The following PCNT variants were observed in gnomAD, a reference collection of about 807,000 sequenced individuals.
The protein encoded by PCNT is kendrin.
PCNT carries 319 observed loss-of-function variants against 380.4 expected under a neutral mutation model. The observed-to-expected ratio is 0.84, with a 90% CI of 0.77 to 0.92. The LOEUF is 0.92. Among genes scored for constraint, PCNT ranks in the 40% least tolerant of loss-of-function variants. The pLI, the probability that PCNT is intolerant of heterozygous loss-of-function variation, is 0.00. For synonymous variants in PCNT, 1,845 were observed against 1,735.2 expected (o/e 1.06, Z -1.57); for missense variants, 4,400 against 4,255.3 (o/e 1.03, Z -0.95).
intron 15 of PCNT, among the ~76,000 whole-genome samples, chr21:46,371,553 T>C (rs918935215): frequency 2.0e-5 from 3 of 152,164 alleles, no homozygotes; most frequent in Non-Finnish European, 4.4e-5. Flanking sequence ...TAAGCACTGG[T>C]ACCAAATTGT....
chr21:46,353,153 AC>A lies in PCNT; in HGVS notation c.1507del (p.Gln503SerfsTer2). 6.2e-7 allele frequency: 1 copy of A among 1,614,114 alleles called. No individual in the cohort carries two copies. Among genetic ancestry groups the A allele is most frequent in the Non-Finnish European group, 8.5e-7 (1 of 1,180,034 alleles). Reference protein sequence around the residue: ...ARTSRVEDLEQLKQREKTQHE... With the variant: ...ARTSRVEDLEXLKQREKTQHE... Reference sequence around the variant, plus strand: ...GCACCTCTCGTGTGGAAGATTTAGAACAGCTGAAGCAGCGAGAAAAAACCCA... The same window carrying A: ...GCACCTCTCGTGTGGAAGATTTAGAAAGCTGAAGCAGCGAGAAAAAACCCA... On this transcript the variant is annotated frameshift_variant, in exon 10 of 47. Coordinates refer to ENST00000359568, the MANE Select transcript of PCNT (RefSeq NM_006031.6). LOFTEE classifies it high-confidence loss of function.
intron 2 of PCNT, among the ~76,000 whole-genome samples, chr21:46,330,280 G>C (rs1296617044): frequency 1.3e-5 from 2 of 151,856 alleles, no homozygotes; most frequent in East Asian, 3.9e-4. Flanking sequence ...ACCATACCTG[G>C]CTAACTTAAA....
chr21:46,415,365 A>ATTT (rs35983555), intron 29 of PCNT, among the ~76,000 whole-genome samples: 29 of 65,276 alleles, frequency 4.4e-4, no homozygotes, highest in African/African-American at 6.5e-4. Flanking sequence ...GTTTCTTTGA[A>ATTT]TTTTTTTTTT....
chr21:46,342,214 C>G lies in PCNT; in HGVS notation c.640-3914C>G, dbSNP rs560775242. ...CTCTGCCTCCTAGGCTTAAGTGATT[C>G]TCCTGCCTCAGCCTCCTAAGTAGCT... On this transcript the variant is annotated intron_variant, in intron 3 of 46. Transcript: ENST00000359568. 2.6e-5 allele frequency among the ~76,000 whole-genome samples: 4 copies of G among 152,250 alleles called. No homozygotes were observed. The South Asian group carries it at 8.3e-4, about 32-fold the overall frequency.
At chr21:46,403,589 G>T (rs2086515552) in intron 27 of PCNT, among the ~76,000 whole-genome samples, 1 of 126,428 alleles carries the variant, frequency 7.9e-6, no homozygotes. Flanking sequence ...CACATGCTCG[G>T]TGAGTGAACA....
rs1601813499 is a variant in PCNT, at chr21:46,353,282, G to A, written c.1635G>A (p.Leu545=). The A allele has an allele frequency of 6.2e-7, 1 of 1,614,072 alleles. No individual in the cohort carries two copies. Among genetic ancestry groups the A allele is most frequent in the African/African-American group, 1.3e-5 (1 of 74,940 alleles). The change falls in exon 10 of 47, where the codon CTG becomes CTA. Residue 545 remains leucine, a synonymous_variant. Coordinates refer to ENST00000359568, the MANE Select transcript of PCNT (RefSeq NM_006031.6). ...QEDLTLLQQR[L]QGAREDALLD... is the part of the protein sequence containing the mutation. ...ACCTAACCCTGTTACAGCAGAGGCT[G>A]CAGGGGGCGAGGGAAGATGCTCTTC... is the stretch of plus-strand genomic sequence containing the variant.
intron 15 of PCNT, among the ~76,000 whole-genome samples, chr21:46,372,203 G>T (rs111213159): frequency 1.8e-4 from 26 of 141,868 alleles, no homozygotes; most frequent in African/African-American, 6.9e-4. Context: ...CACACACAGA[G>T]AGCACATGCA....
At chr21:46,433,943 AT>A (rs2087867638) in intron 38 of PCNT, among the ~76,000 whole-genome samples, 4 of 152,070 alleles carry the variant, frequency 2.6e-5, no homozygotes, top group South Asian at 4.2e-4. Flanking sequence ...AGCCCAGCTA[AT>A]TTTTGTATTT....
chr21:46,357,072 G>C lies in PCNT; in HGVS notation c.2035G>C (p.Val679Leu). The change falls in exon 13 of 47, where the codon GTG becomes CTG. Residue 679 changes from valine to leucine, a missense_variant. By Grantham distance (32) the Val-to-Leu change is conservative. Coordinates refer to ENST00000359568, the MANE Select transcript of PCNT (RefSeq NM_006031.6). The stretch of plus-strand genomic sequence containing the variant: ...CTTGGGTCTGGAAACTGAGCACAAG[G>C]TGCAACTTTCGCTTCTTCAGACTGA... The part of the protein sequence containing the change: ...RVLGLETEHK[V>L]QLSLLQTELK... The C allele has an allele frequency of 6.2e-7, 1 of 1,614,196 alleles. No individual in the cohort carries two copies. Among genetic ancestry groups the C allele is most frequent in the South Asian group, 1.1e-5 (1 of 91,082 alleles).
Position 46,357,083 on chromosome 21 carries a change from G to A in PCNT, c.2046G>A (p.Ser682=), listed in dbSNP as rs201569145. ...GLETEHKVQL[S]LLQTELKEEI... ...AAACTGAGCACAAGGTGCAACTTTC[G>A]CTTCTTCAGACTGAGCTCAAAGAAG... The change falls in exon 13 of 47, where the codon TCG becomes TCA. Residue 682 remains serine (S), a synonymous_variant. Transcript: ENST00000359568. 35 of 1,613,912 alleles carry A rather than the reference G, an allele frequency of 2.2e-5. No individual in the cohort carries two copies. The highest frequency in any genetic ancestry group is 1.7e-4 in the Middle Eastern group (1 of 6,060).
chr21:46,438,669 A>AT (rs34152810), intron 41 of PCNT, among the ~76,000 whole-genome samples: 2,877 of 127,518 alleles, frequency 0.023, 50 homozygotes, highest in Middle Eastern at 0.033. Context: ...GTGATTTATA[A>AT]TTTTTTTTTT....
chr21:46,388,692 G>A lies in PCNT; in HGVS notation c.3465-50G>A, dbSNP rs774910287. Reference sequence around the variant, plus strand: ...CCCCTCAGCAGCATCCAGGGTGGGGGTTCTTATGCCGTGACCAGCTTGCCT... The same window carrying A: ...CCCCTCAGCAGCATCCAGGGTGGGGATTCTTATGCCGTGACCAGCTTGCCT... On this transcript the variant is annotated intron_variant, in intron 17 of 46. Transcript: ENST00000359568. This position sits in a 1 kb window ranked among gnomAD's most constrained non-coding sequence, Gnocchi z 4.2. 5.0e-6 allele frequency: 8 copies of A among 1,609,446 alleles called. No homozygotes were observed. Among genetic ancestry groups the A allele is most frequent in the Non-Finnish European group, 5.1e-6 (6 of 1,179,256 alleles).
chr21:46,391,470 T>G, intron 21 of PCNT, 94 bp downstream of exon 21: 16 of 1,050,046 alleles, frequency 1.5e-5, no homozygotes, highest in African/African-American at 1.6e-5. Flanking sequence ...TCAGTGTCTC[T>G]AGAGGGTCAA....
rs1171857960 is a variant in PCNT, at chr21:46,348,963, A to G, written c.1033-49A>G. 4 of 1,242,426 alleles carry G rather than the reference A, an allele frequency of 3.2e-6. No individual in the cohort carries two copies. In the South Asian group the frequency reaches 4.9e-5, roughly 15 times the overall value. 77.0% of individuals were successfully genotyped at this position (1,242,426 alleles called of 1,614,324 possible). On this transcript the variant is annotated intron_variant, in intron 6 of 46. Coordinates refer to ENST00000359568, the MANE Select transcript of PCNT (RefSeq NM_006031.6). ...TTGACTGTGTGATTTAAATTTCTTT[A>G]GCACAGATAATCAACTATTGAGTTT...
In PCNT at chr21:46,438,290, C is replaced by G; in HGVS notation, c.9226C>G (p.Leu3076Val). 3 of 1,614,154 alleles carry G rather than the reference C, an allele frequency of 1.9e-6. No individual in the cohort carries two copies. The highest frequency in any genetic ancestry group is 2.5e-6 in the Non-Finnish European group (3 of 1,180,022). ...GGAGCTGAGCAGAGCCGTGTCTAAG[C>G]TTGAGAAGTTGCTGAAGCACCATCT... ...KLELSRAVSK[L>V]EKLLKHHLQK... The change falls in exon 41 of 47, where the codon CTT becomes GTT. Residue 3076 changes from leucine to valine, a missense_variant. By Grantham distance (32) the Leu-to-Val change is conservative. Coordinates refer to ENST00000359568, the MANE Select transcript of PCNT (RefSeq NM_006031.6).
intron 15 of PCNT, among the ~76,000 whole-genome samples, chr21:46,368,339 T>G (rs1406372828): frequency 1.3e-5 from 2 of 151,952 alleles, no homozygotes; most frequent in African/African-American, 4.8e-5. Context: ...TCCCAGCTAC[T>G]TGGGAGGCTG....
chr21:46,430,935 G>A, intron 37 of PCNT: 1 of 985,166 alleles, frequency 1.0e-6, no homozygotes, highest in Non-Finnish European at 1.2e-6. Flanking sequence ...GATGGACACA[G>A]CCTCCTCGCT....
chr21:46,351,640 CAAAA>C, intron 9 of PCNT, 100 bp downstream of exon 9: 1 of 801,936 alleles, frequency 1.2e-6, no homozygotes, highest in Non-Finnish European at 2.2e-6. Context: ...CTAGCAAACA[CAAAA>C]AAGTGGATTT....
At chr21:46,337,603 A>G (rs986678407) in intron 3 of PCNT, among the ~76,000 whole-genome samples, 6 of 151,736 alleles carry the variant, frequency 4.0e-5, no homozygotes, top group African/African-American at 9.7e-5. Flanking sequence ...GTTTTTTGAG[A>G]TGGAGTTTCG....
Sources: allele counts gnomAD v4.1 joint callset (sites outside exome capture counted in the v4.1 genomes callset), GRCh38; gene constraint gnomAD v4.1.1; non-coding constraint Gnocchi (gnomAD v3.1); transcripts MANE v1.5; gene names NCBI Gene and HGNC (gene_info 2026-07-23, HGNC 2026-07-21).